OMA1: variants seen among roughly 807,000 people sequenced by gnomAD.
OMA1 encodes OMA1 zinc metallopeptidase.
OMA1 carries 38 observed loss-of-function variants against 30.9 expected under a neutral mutation model. The ratio of observed to expected loss-of-function variants is 1.23; its 90% CI spans 0.95 to 1.61. OMA1 has a LOEUF of 1.61. Ranked by LOEUF, OMA1 falls within the 40% of genes most tolerant of loss-of-function variation. The pLI is 0.00. For synonymous variants in OMA1, 173 were observed against 121.9 expected (o/e 1.42, Z -2.76); for missense variants, 461 against 349.2 (o/e 1.32, Z -2.55).
At chr1:58,488,649 T>A (rs1645618702) in intron 8 of OMA1, among the ~76,000 whole-genome samples, 1 of 152,162 alleles carries the variant, frequency 6.6e-6, no homozygotes, top group African/African-American at 2.4e-5. Context: ...ACAGGGTTTC[T>A]CCATGTTGGT....
chr1:58,542,891 C>T lies in OMA1; in HGVS notation c.-16-3581G>A, dbSNP rs531756815. Among the ~76,000 whole-genome samples, 4 of 152,164 alleles carry T rather than the reference C, an allele frequency of 2.6e-5. No individual in the cohort carries two copies. In the East Asian group the frequency reaches 5.8e-4, roughly 22 times the overall value. On this transcript the variant is annotated intron_variant, in intron 1 of 8. Transcript: ENST00000371226. Reference sequence around the variant, plus strand: ...AAAGATTTTACATAAAACAGTATTCCGCACAGGAATATAAGGGCATGTGTA... The same window carrying T: ...AAAGATTTTACATAAAACAGTATTCTGCACAGGAATATAAGGGCATGTGTA...
intron 8 of OMA1, among the ~76,000 whole-genome samples, chr1:58,488,343 A>G (rs1440652775): frequency 1.3e-5 from 2 of 152,220 alleles, no homozygotes; most frequent in Non-Finnish European, 2.9e-5. Flanking sequence ...TATTATTTCA[A>G]TAGGTTTTTG....
intron 8 of OMA1, among the ~76,000 whole-genome samples, chr1:58,490,681 G>A (rs1220231732): frequency 1.3e-5 from 2 of 151,656 alleles, no homozygotes; most frequent in African/African-American, 4.8e-5. Context: ...AATGTTAAGG[G>A]CAGCTAGAGA....
intron 3 of OMA1, among the ~76,000 whole-genome samples, chr1:58,536,252 T>A (rs1646515316): frequency 6.6e-6 from 1 of 152,116 alleles, no homozygotes; most frequent in South Asian, 2.1e-4. Flanking sequence ...CCAGTCTGGA[T>A]AATCAAGGAA....
chr1:58,493,311 T>C lies in OMA1; in HGVS notation c.1366-12137A>G, dbSNP rs539380731. On this transcript the variant is annotated intron_variant, in intron 8 of 8. Transcript: ENST00000371226. ...TATGACAAACTCACAGCCAATATCA[T>C]ACTGAATGGGCAAAAATTGGAAGCA... 7.9e-5 allele frequency among the ~76,000 whole-genome samples: 12 copies of C among 152,310 alleles called. No individual in the cohort carries two copies. In the East Asian group the frequency reaches 2.3e-3, roughly 29 times the overall value.
intron 7 of OMA1, 61 bp downstream of exon 7, chr1:58,527,198 AAC>A (rs1396134889): frequency 3.6e-5 from 30 of 832,356 alleles, no homozygotes; most frequent in Admixed American, 3.2e-4. Context: ...TCATTAAAAT[AAC>A]ACACGTTTAT....
At chr1:58,483,392 T>TA (rs1645522658) in intron 8 of OMA1, among the ~76,000 whole-genome samples, 1 of 152,174 alleles carries the variant, frequency 6.6e-6, no homozygotes, top group Non-Finnish European at 1.5e-5. Context: ...GCGAGCCAGA[T>TA]AGACGTTCTC....
intron 8 of OMA1, among the ~76,000 whole-genome samples, chr1:58,498,251 A>C (rs1557442024): frequency 6.6e-6 from 1 of 152,058 alleles, no homozygotes; most frequent in Admixed American, 6.6e-5. Flanking sequence ...TAAAAAAAAA[A>C]AACAACTTTT....
intron 2 of OMA1, among the ~76,000 whole-genome samples, chr1:58,538,093 T>G (rs768402961): frequency 1.1e-4 from 17 of 152,344 alleles, no homozygotes; most frequent in Non-Finnish European, 1.9e-4. Context: ...CAAACTGGTT[T>G]GGTTCATGTG....
chr1:58,497,296 T>C (rs147905033), intron 8 of OMA1, among the ~76,000 whole-genome samples: 65 of 152,228 alleles, frequency 4.3e-4, no homozygotes, highest in African/African-American at 1.5e-3. Context: ...CCAAATGCAA[T>C]GTGTGGATCA....
chr1:58,494,150 A>T (rs1645751487), intron 8 of OMA1, among the ~76,000 whole-genome samples: 2 of 152,246 alleles, frequency 1.3e-5, no homozygotes, highest in Non-Finnish European at 2.9e-5. Flanking sequence ...CAAACCTGAC[A>T]AAAATAAGAA....
At chr1:58,504,120 A>G (rs933171916) in intron 8 of OMA1, among the ~76,000 whole-genome samples, 1 of 152,150 alleles carries the variant, frequency 6.6e-6, no homozygotes, top group South Asian at 2.1e-4. Flanking sequence ...TCACAATAAA[A>G]CATGAGTCAA....
chr1:58,485,638 A>G (rs1371025866), intron 8 of OMA1, among the ~76,000 whole-genome samples: 1 of 151,738 alleles, frequency 6.6e-6, no homozygotes, highest in Non-Finnish European at 1.5e-5. Context: ...CATTTTATAT[A>G]TTTCAGGGCG....
intron 7 of OMA1, among the ~76,000 whole-genome samples, chr1:58,521,028 T>C (rs903021706): frequency 1.3e-5 from 2 of 152,284 alleles, no homozygotes; most frequent in Non-Finnish European, 2.9e-5. Flanking sequence ...TTTGACAAAA[T>C]TGATCACATC....
chr1:58,536,246 T>C (rs1170606380), intron 3 of OMA1, among the ~76,000 whole-genome samples: 1 of 152,020 alleles, frequency 6.6e-6, no homozygotes, highest in Non-Finnish European at 1.5e-5. Context: ...CCTAACCCAG[T>C]CTGGATAATC....
intron 8 of OMA1, among the ~76,000 whole-genome samples, chr1:58,482,277 G>A (rs1645500573): frequency 6.6e-6 from 1 of 152,070 alleles, no homozygotes; most frequent in African/African-American, 2.4e-5. Flanking sequence ...TTAGAATGTA[G>A]CAACATAAGC....
At chr1:58,530,990 T>C (rs758799897) in intron 5 of OMA1, among the ~76,000 whole-genome samples, 1 of 152,190 alleles carries the variant, frequency 6.6e-6, no homozygotes, top group Non-Finnish European at 1.5e-5. Context: ...CAATTTCTTA[T>C]ATTAACAGGC....
intron 6 of OMA1, among the ~76,000 whole-genome samples, chr1:58,529,907 G>A (rs971510840): frequency 6.6e-6 from 1 of 151,744 alleles, no homozygotes; most frequent in Non-Finnish European, 1.5e-5. Flanking sequence ...TTGAGATGTA[G>A]TCTCACTCTG....
intron 7 of OMA1, among the ~76,000 whole-genome samples, chr1:58,506,945 T>A (rs902630290): frequency 1.3e-5 from 2 of 152,078 alleles, no homozygotes; most frequent in African/African-American, 4.8e-5. Flanking sequence ...TATGTACAAT[T>A]CCATCATACA....
Sources: allele counts gnomAD v4.1 joint callset (sites outside exome capture counted in the v4.1 genomes callset), GRCh38; gene constraint gnomAD v4.1.1; transcripts MANE v1.5; gene names NCBI Gene and HGNC (gene_info 2026-07-23, HGNC 2026-07-21).